STK32A: variants seen among roughly 807,000 people sequenced by gnomAD.
The protein encoded by STK32A is serine/threonine kinase 32A, also known as serine/threonine-protein kinase 32A.
Under a neutral mutation model 53.2 loss-of-function variants are expected in STK32A, and 41 were observed. The observed-to-expected ratio is 0.77, with a 90% CI of 0.60 to 1.00. The LOEUF (loss-of-function observed/expected upper bound fraction) is 1.00, where lower values mean the gene tolerates loss of function less well. Ranked by LOEUF, STK32A falls within the 50% of genes least tolerant of loss-of-function variation. STK32A has a pLI of 0.00. For missense variants in STK32A, 458 were observed against 485.8 expected (o/e 0.94, Z 0.54); for synonymous variants, 166 against 162.8 (o/e 1.02, Z -0.15).
intron 2 of STK32A, among the ~76,000 whole-genome samples, chr5:147,263,466 G>C (rs765541547): frequency 1.3e-5 from 2 of 151,824 alleles, no homozygotes; most frequent in African/African-American, 2.4e-5. Context: ...AAATGAACAG[G>C]GAAAAAGTTA....
Position 147,259,831 on chromosome 5 carries a change from C to CTG in STK32A, c.53-18292_53-18291insGT, listed in dbSNP as rs886537396. ...TCCTGTTTCTCTCTCTCTCTTGTTT[C>CTG]TCTCTCCTCTGTCTCTCTCCTCTCT... On this transcript the variant is annotated intron_variant, in intron 2 of 12. Transcript: ENST00000397936. 7.5e-5 allele frequency among the ~76,000 whole-genome samples: 11 copies of CTG among 146,538 alleles called. 1 individual carries two copies. Among genetic ancestry groups the CTG allele is most frequent in the African/African-American group, 2.8e-4 (11 of 39,528 alleles).
intron 4 of STK32A, among the ~76,000 whole-genome samples, chr5:147,303,849 T>C (rs1194037375): frequency 2.0e-5 from 3 of 152,126 alleles, no homozygotes; most frequent in Non-Finnish European, 4.4e-5. Context: ...AAGAACTTAG[T>C]AGAGAAGTGT....
At chr5:147,377,020 T>G (rs1757259201) in intron 11 of STK32A, among the ~76,000 whole-genome samples, 1 of 152,158 alleles carries the variant, frequency 6.6e-6, no homozygotes, top group Non-Finnish European at 1.5e-5. Flanking sequence ...ATTAGCAAGG[T>G]GTTCAGTTAG....
At chr5:147,319,468 T>G (rs7713732) in intron 4 of STK32A, among the ~76,000 whole-genome samples, 129,167 of 152,070 alleles carry the variant, frequency 0.85, 55,328 homozygotes, top group African/African-American at 0.96. Flanking sequence ...TTTATAGACT[T>G]TTGAAATCTG....
chr5:147,400,623 G>A, the STK32A span: 1 of 1,559,790 alleles, frequency 6.4e-7, no homozygotes, highest in African/African-American at 1.3e-5. Flanking sequence ...CCAACTGGTG[G>A]CAGGAGGTTC....
intron 4 of STK32A, among the ~76,000 whole-genome samples, chr5:147,281,652 GA>G (rs1454992446): frequency 1.3e-5 from 2 of 151,958 alleles, no homozygotes; most frequent in East Asian, 3.9e-4. Flanking sequence ...CCCTGAGGAA[GA>G]AGAGAATTTT....
chr5:147,238,801 AATACAAC>A lies in STK32A; in HGVS notation c.-96-736_-96-730del, dbSNP rs1271817127. On this transcript the variant is annotated intron_variant, in intron 1 of 12. Coordinates refer to ENST00000397936, the MANE Select transcript of STK32A (RefSeq NM_001112724.2). ...TAACTCAATATATAAAGAGTTATAT[AATACAAC>A]AGAGTTGATATATATATAAATGTTG... Among the ~76,000 whole-genome samples, 4 of 134,192 alleles carry A rather than the reference AATACAAC, an allele frequency of 3.0e-5. No individual in the cohort carries two copies. In the Admixed American group the frequency reaches 3.2e-4, roughly 11 times the overall value. The allele number at this position is 134,192 out of a possible 152,430, so 88.0% of individuals were successfully genotyped here.
intron 4 of STK32A, among the ~76,000 whole-genome samples, chr5:147,288,975 G>C (rs1404288849): frequency 6.6e-6 from 1 of 152,120 alleles, no homozygotes; most frequent in African/African-American, 2.4e-5. Flanking sequence ...ACAAATATTC[G>C]TTCTTTCCTT....
intron 4 of STK32A, 49 bp from the exon 5 acceptor site, chr5:147,323,849 T>A: frequency 2.7e-6 from 4 of 1,496,420 alleles, no homozygotes; most frequent in Non-Finnish European, 3.6e-6. Flanking sequence ...CTGAGACTCT[T>A]TAATGTGTAA....
rs577052029 is a variant in STK32A, at chr5:147,368,154, C to CAAAG, written c.661-2499_661-2496dup. ...TACTATCTCATTGCCATTGCAAAGG[C>CAAAG]AAAGGTCCACATCTTTTATAGTTTC... On this transcript the variant is annotated intron_variant, in intron 8 of 12. Coordinates refer to ENST00000397936, the MANE Select transcript of STK32A (RefSeq NM_001112724.2). Among the ~76,000 whole-genome samples the CAAAG allele has an allele frequency of 4.2e-3, 633 of 152,352 alleles. 9 individuals carry two copies. The highest frequency in any genetic ancestry group is 0.037 in the Middle Eastern group (11 of 294).
intron 11 of STK32A, among the ~76,000 whole-genome samples, chr5:147,380,080 T>C (rs995628694): frequency 1.6e-4 from 24 of 152,262 alleles, no homozygotes; most frequent in African/African-American, 5.8e-4. Flanking sequence ...AGTATGTATT[T>C]CATATCTTTG....
Position 147,275,576 on chromosome 5 carries a change from G to A in STK32A, c.53-2548G>A, listed in dbSNP as rs186021655. ...TGGGCTCAAGCAATGCTCCTGCCTC[G>A]GCCTCCCAAAGTGCTGGGATTACAG... is the stretch of plus-strand genomic sequence containing the variant. On this transcript the variant is annotated intron_variant, in intron 2 of 12. Transcript: ENST00000397936. 6.4e-3 allele frequency among the ~76,000 whole-genome samples: 973 copies of A among 152,074 alleles called. 10 individuals carry two copies. Among genetic ancestry groups the A allele is most frequent in the Non-Finnish European group, 7.0e-3 (475 of 67,970 alleles).
chr5:147,382,611 A>G (rs535162450), intron 11 of STK32A, among the ~76,000 whole-genome samples: 5 of 151,752 alleles, frequency 3.3e-5, no homozygotes, highest in Non-Finnish European at 7.4e-5. Context: ...TTTTATTTTT[A>G]TTTTTTATTA....
chr5:147,399,454 C>T, the STK32A span, among the ~76,000 whole-genome samples: 5 of 150,786 alleles, frequency 3.3e-5, no homozygotes, highest in African/African-American at 1.2e-4. Context: ...TGGTCAAACA[C>T]ATGGTTTAAG....
intron 4 of STK32A, among the ~76,000 whole-genome samples, chr5:147,319,462 T>C (rs1179420848): frequency 1.3e-5 from 2 of 152,146 alleles, no homozygotes; most frequent in African/African-American, 4.8e-5. Flanking sequence ...ATTGTTTTTA[T>C]AGACTTTTGA....
At position 147,333,627 on chromosome 5, in the gene STK32A, G is replaced by C. The variant is rs140518447; in HGVS notation, c.435-9379G>C. 3.9e-4 allele frequency among the ~76,000 whole-genome samples: 60 copies of C among 152,204 alleles called. 1 individual carries two copies. Among genetic ancestry groups the C allele is most frequent in the African/African-American group, 1.4e-3 (57 of 41,554 alleles). ...GGCTGTGGTGATGATATATTCTAAT[G>C]AATATACAGTCTTAAATAAAAACAT... On this transcript the variant is annotated intron_variant, in intron 5 of 12. Transcript: ENST00000397936.
intron 2 of STK32A, among the ~76,000 whole-genome samples, chr5:147,276,953 C>T (rs148390262): frequency 3.6e-4 from 55 of 152,200 alleles, no homozygotes; most frequent in Non-Finnish European, 6.9e-4. Flanking sequence ...TGCTGCCTCA[C>T]ATGACTAAGT....
rs189578597 is a variant in STK32A, at chr5:147,342,918, G to T, written c.435-88G>T. 212 of 1,186,876 alleles carry T rather than the reference G, an allele frequency of 1.8e-4. 3 individuals are homozygous for T. The Admixed American group carries it at 3.8e-3, about 21-fold the overall frequency. The allele number at this position is 1,186,876 out of a possible 1,614,324, so 73.5% of individuals were successfully genotyped here. The stretch of plus-strand genomic sequence containing the variant: ...AAGCTAGTACACTGTTTCAACTCCA[G>T]TTAGCTTTCTTAAGCCTTTTTGCCC... On this transcript the variant is annotated intron_variant, in intron 5 of 12. Transcript: ENST00000397936.
At chr5:147,391,193 T>C (rs1363631200), downstream of STK32A, 1 of 152,452 alleles carries the variant, frequency 6.6e-6, no homozygotes, top group Non-Finnish European at 1.5e-5. Flanking sequence ...TGAGTGAAAA[T>C]CCAGGCTCAG....
Sources: gnomAD v4.1 joint callset for allele counts (sites outside exome capture counted in the v4.1 genomes callset) on GRCh38, gnomAD v4.1.1 for gene constraint, MANE v1.5 for transcripts, NCBI Gene and HGNC (gene_info 2026-07-23, HGNC 2026-07-21) for gene names.